Variants in RP1 observed in about 807,000 individuals in gnomAD.
The protein encoded by RP1 is oxygen-regulated protein 1.
A neutral mutation model predicts 14.8 loss-of-function variants in RP1; 16 were observed. The ratio of observed to expected loss-of-function variants is 1.08; its 90% CI spans 0.73 to 1.65. The LOEUF (loss-of-function observed/expected upper bound fraction) is 1.65, where lower values mean the gene tolerates loss of function less well. RP1 is among the 40% of genes most tolerant of loss of function. The probability of loss-of-function intolerance (pLI) is 0.00; values close to 1 mark genes in which losing one functional copy is unlikely to be tolerated. For missense variants in RP1, 2,631 were observed against 2,535.0 expected (o/e 1.04, Z -0.81); for synonymous variants, 876 against 883.6 (o/e 0.99, Z 0.15).
At chr8:54,691,325 G>T (rs995295768) in intron 12 of RP1, among the ~76,000 whole-genome samples, 30 of 152,180 alleles carry the variant, frequency 2.0e-4, no homozygotes, top group African/African-American at 7.0e-4. Flanking sequence ...AATGTTAAGG[G>T]AAAAGGATTA....
intron 1 of RP1, among the ~76,000 whole-genome samples, chr8:54,601,598 G>GAAAAAAAAAAAAAAAAAAAAAAAAAA (rs1296926931): frequency 1.1e-5 from 1 of 93,682 alleles, no homozygotes; most frequent in African/African-American, 3.6e-5. Flanking sequence ...AAAAAACTTA[G>GAAAAAAAAAAAAAAAAAAAAAAAAAA]AAAAAAAAAA....
At chr8:54,757,627 A>G (rs755849781) in intron 21 of RP1, among the ~76,000 whole-genome samples, 1 of 152,254 alleles carries the variant, frequency 6.6e-6, no homozygotes, top group African/African-American at 2.4e-5. Flanking sequence ...TTGTCCCACC[A>G]GGGGAAGCCC....
At chr8:54,769,741 A>G in exon 23 of RP1, 1 of 1,523,486 alleles carries the variant, frequency 6.6e-7, no homozygotes. Flanking sequence ...TTTTCCTCAG[A>G]TGGCTTCCTT....
At chr8:54,652,784 C>G in exon 5 of RP1, 1 of 1,534,944 alleles carries the variant, frequency 6.5e-7, no homozygotes, top group Non-Finnish European at 8.7e-7. Flanking sequence ...TCATAGATAA[C>G]AGTTGGAGAC....
chr8:54,764,190 G>T (rs556061639), intron 22 of RP1, among the ~76,000 whole-genome samples: 13 of 152,294 alleles, frequency 8.5e-5, no homozygotes, highest in African/African-American at 3.1e-4. Flanking sequence ...CAAACTAAAG[G>T]CCTTCTTTTC....
chr8:54,819,268 T>A (rs1811201542), intron 24 of RP1, among the ~76,000 whole-genome samples: 1 of 152,026 alleles, frequency 6.6e-6, no homozygotes, highest in Non-Finnish European at 1.5e-5. Context: ...TTTTTCAGTA[T>A]GCCACTTGCA....
At chr8:54,852,638 A>C (rs2129408497) in exon 26 of RP1, 1 of 1,231,994 alleles carries the variant, frequency 8.1e-7, no homozygotes, top group Non-Finnish European at 1.0e-6. Flanking sequence ...AGTCTAATGT[A>C]TTTATCAACC....
At position 54,681,520 on chromosome 8, in the gene RP1, G is replaced by A. The variant is rs372191240; in HGVS notation, c.1717+1587G>A. 2.1e-4 allele frequency among the ~76,000 whole-genome samples: 29 copies of A among 137,926 alleles called. 1 individual carries two copies. Among genetic ancestry groups the A allele is most frequent in the Non-Finnish European group, 8.1e-5 (5 of 61,488 alleles). The allele number at this position is 137,926 out of a possible 152,430, so 90.5% of individuals were successfully genotyped here. ...TGTGTGTGTGTGTGTGTGTGTGTGT[G>A]TGTATGTATATATGTATATTATTTA... On this transcript the variant is annotated intron_variant, in intron 12 of 22. Coordinates refer to the RP1 transcript ENST00000636932.
chr8:54,583,352 A>G (rs1167243153), intron 1 of RP1, among the ~76,000 whole-genome samples: 2 of 152,164 alleles, frequency 1.3e-5, no homozygotes, highest in African/African-American at 2.4e-5. Flanking sequence ...GATGAAGCCC[A>G]CTTGATTGTG....
At chr8:54,757,160 T>C (rs527487084) in intron 21 of RP1, among the ~76,000 whole-genome samples, 16 of 152,294 alleles carry the variant, frequency 1.1e-4, no homozygotes, top group African/African-American at 3.6e-4. Context: ...GAAACTGTGG[T>C]AAGAGTCTGA....
At chr8:54,851,874 C>T (rs1322495052) in intron 25 of RP1, among the ~76,000 whole-genome samples, 1 of 152,134 alleles carries the variant, frequency 6.6e-6, no homozygotes, top group Non-Finnish European at 1.5e-5. Flanking sequence ...TGCTCAATTG[C>T]ACAAAGTATG....
intron 12 of RP1, chr8:54,699,334 T>C (rs1807956652): frequency 2.5e-6 from 1 of 400,322 alleles, no homozygotes; most frequent in Non-Finnish European, 4.4e-6. Context: ...ACTGTGGAGA[T>C]GCATTTTACC....
At chr8:54,733,200 T>C (rs979052128) in intron 17 of RP1, among the ~76,000 whole-genome samples, 3 of 152,210 alleles carry the variant, frequency 2.0e-5, no homozygotes, top group Admixed American at 1.3e-4. Context: ...TTATGTGACT[T>C]GGCTATATTA....
rs1806392351 is a variant in RP1 at position 54,638,422 on chromosome 8, A to AGT, written c.788-10561_788-10560dup. Among the ~76,000 whole-genome samples, 6 of 138,606 alleles carry AGT rather than the reference A, an allele frequency of 4.3e-5. 1 individual carries two copies. Among genetic ancestry groups the AGT allele is most frequent in the Middle Eastern group, 3.7e-3 (1 of 270 alleles). 90.9% of individuals were successfully genotyped at this position (138,606 alleles called of 152,430 possible). ...CACTGCACTCCAGCCTGGGCGACAG[A>AGT]GTGAGACTCCATCTCAAAAAAAAAA... is the stretch of plus-strand genomic sequence containing the variant. On this transcript the variant is annotated intron_variant, in intron 3 of 22. Coordinates refer to the RP1 transcript ENST00000636932.
chr8:54,697,336 C>T (rs1294307933), intron 12 of RP1, among the ~76,000 whole-genome samples: 1 of 152,130 alleles, frequency 6.6e-6, no homozygotes, highest in African/African-American at 2.4e-5. Context: ...AGGTGGATCT[C>T]CTGAGGTCGG....
In RP1 at chr8:54,705,958, G is replaced by A. The variant is rs12674718; in HGVS notation, c.1999-485G>A. Among the ~76,000 whole-genome samples, 281 of 151,834 alleles carry A rather than the reference G, an allele frequency of 1.9e-3. 7 individuals carry two copies. The East Asian group carries it at 0.046, about 25-fold the overall frequency. On this transcript the variant is annotated intron_variant, in intron 14 of 22. Transcript: ENST00000636932. The stretch of plus-strand genomic sequence containing the variant: ...GTGTATTTCTAATTAACTCTCAAGA[G>A]TCTTTTATATCTTCCTCTTAAATTA...
At chr8:54,601,507 T>C (rs200627409) in intron 1 of RP1, among the ~76,000 whole-genome samples, 1 of 150,164 alleles carries the variant, frequency 6.7e-6, no homozygotes, top group Non-Finnish European at 1.5e-5. Flanking sequence ...CACCAGCATG[T>C]CACATGTATA....
At chr8:54,651,648 T>TA (rs2129325958) in intron 4 of RP1, among the ~76,000 whole-genome samples, 1 of 152,300 alleles carries the variant, frequency 6.6e-6, no homozygotes, top group Non-Finnish European at 1.5e-5. Flanking sequence ...TTCTCTTTGC[T>TA]AACATCTAGA....
At chr8:54,870,947 C>T (rs1812577127) in exon 29 of RP1, 1 of 152,016 alleles carries the variant, frequency 6.6e-6, no homozygotes, top group Non-Finnish European at 1.5e-5. Context: ...TGACCTTGGC[C>T]CTCCTGCCTT....
Sources: gnomAD v4.1 joint callset for allele counts (sites outside exome capture counted in the v4.1 genomes callset) on GRCh38, gnomAD v4.1.1 for gene constraint, MANE v1.5 for transcripts, NCBI Gene and HGNC (gene_info 2026-07-23, HGNC 2026-07-21) for gene names.